The following HERC4 variants were observed in gnomAD, a reference collection of about 807,000 sequenced individuals.
HERC4 encodes the protein HECT and RLD domain containing E3 ubiquitin protein ligase 4.
Under a neutral mutation model 124.3 loss-of-function variants are expected in HERC4, and 28 were observed. The observed-to-expected ratio is 0.23, with a 90% CI of 0.17 to 0.31. HERC4 has a LOEUF of 0.31. HERC4 is among the 10% of genes least tolerant of loss of function. HERC4 has a pLI of 1.00. For synonymous variants in HERC4, 407 were observed against 421.5 expected, an observed-to-expected ratio of 0.97 and a Z score of 0.42; for missense variants, 713 against 1,229.3, an observed-to-expected ratio of 0.58 and a Z score of 6.28.
chr10:67,936,655 A>G (rs2032389742), intron 21 of HERC4, among the ~76,000 whole-genome samples: 1 of 152,208 alleles, frequency 6.6e-6, no homozygotes, highest in African/African-American at 2.4e-5. Context: ...CTTGTTGTAA[A>G]CTTTATCACA....
intron 16 of HERC4, among the ~76,000 whole-genome samples, chr10:67,957,184 T>A (rs902417884): frequency 1.3e-5 from 2 of 152,256 alleles, no homozygotes; most frequent in Non-Finnish European, 2.9e-5. Flanking sequence ...GGGGCGACTG[T>A]ATACTTGAGA....
chr10:67,977,309 C>A (rs1016870793), intron 15 of HERC4, among the ~76,000 whole-genome samples: 2 of 152,094 alleles, frequency 1.3e-5, no homozygotes, highest in Non-Finnish European at 2.9e-5. Context: ...TACACAGTGG[C>A]CAGAAGGGAA....
chr10:67,979,268 T>G (rs1358350085), intron 15 of HERC4, among the ~76,000 whole-genome samples: 1 of 151,952 alleles, frequency 6.6e-6, no homozygotes, highest in Non-Finnish European at 1.5e-5. Flanking sequence ...CCAGATAAAT[T>G]TAACAAAGAG....
intron 24 of HERC4, 77 bp downstream of exon 24, chr10:67,925,008 A>G: frequency 1.3e-6 from 1 of 783,720 alleles, no homozygotes. Context: ...TTACTTGAAG[A>G]TTAAAACAGG....
intron 8 of HERC4, among the ~76,000 whole-genome samples, chr10:68,022,695 G>T (rs1439783171): frequency 6.6e-6 from 1 of 151,720 alleles, no homozygotes; most frequent in Non-Finnish European, 1.5e-5. Context: ...AAACAAACTG[G>T]ACTTTATACA....
At chr10:67,932,292 C>T (rs1378390733) in intron 23 of HERC4, among the ~76,000 whole-genome samples, 1 of 152,036 alleles carries the variant, frequency 6.6e-6, no homozygotes, top group Non-Finnish European at 1.5e-5. Flanking sequence ...TGCTGTGCTC[C>T]CCAGGCTGCT....
At chr10:68,066,036 T>C (rs72795403) in intron 3 of HERC4, among the ~76,000 whole-genome samples, 8,665 of 152,150 alleles carry the variant, frequency 0.057, 334 homozygotes, top group Non-Finnish European at 0.084. Flanking sequence ...AGCTCATTAA[T>C]ATAGTTTCCT....
chr10:68,042,061 G>C (rs2039796024), intron 4 of HERC4, among the ~76,000 whole-genome samples: 1 of 151,982 alleles, frequency 6.6e-6, no homozygotes, highest in African/African-American at 2.4e-5. Flanking sequence ...CTGTCGCTTA[G>C]GCTGGAGTGC....
intron 3 of HERC4, among the ~76,000 whole-genome samples, chr10:68,059,689 T>C (rs1158890201): frequency 1.4e-5 from 1 of 72,678 alleles, no homozygotes; most frequent in East Asian, 5.5e-4. Flanking sequence ...ATCATAATAT[T>C]ATATATTATA....
chr10:67,973,183 A>C (rs755568103), intron 15 of HERC4, among the ~76,000 whole-genome samples: 39 of 151,932 alleles, frequency 2.6e-4, no homozygotes, highest in Non-Finnish European at 4.4e-4. Flanking sequence ...ATCAAAAAGG[A>C]AAGTGAATGG....
chr10:67,978,475 T>G (rs988779665), intron 15 of HERC4, among the ~76,000 whole-genome samples: 8 of 151,938 alleles, frequency 5.3e-5, no homozygotes, highest in Admixed American at 1.3e-4. Context: ...GGTAGACGTC[T>G]AAGGTTTTTC....
At position 68,007,369 on chromosome 10, in the gene HERC4, T is replaced by C. The variant is rs112619373; in HGVS notation, c.1069+6657A>G. On this transcript the variant is annotated intron_variant, in intron 9 of 24. Transcript: ENST00000373700. ...TGATAGGATTCTGAACTTCCTCTGTTTATCTTCAGTTTAGTTGAGATTTCT... is the reference window on the plus strand; with the variant it reads ...TGATAGGATTCTGAACTTCCTCTGTCTATCTTCAGTTTAGTTGAGATTTCT... Among the ~76,000 whole-genome samples the C allele has an allele frequency of 7.0e-3, 1,061 of 152,278 alleles. 12 individuals carry two copies. Among genetic ancestry groups the C allele is most frequent in the African/African-American group, 0.024 (991 of 41,564 alleles).
At chr10:68,045,089 G>A (rs1221185623) in intron 3 of HERC4, among the ~76,000 whole-genome samples, 1 of 152,232 alleles carries the variant, frequency 6.6e-6, no homozygotes, top group Non-Finnish European at 1.5e-5. Context: ...GGGAGGCCAA[G>A]GAGGGCGGAT....
At chr10:67,941,767 C>T (rs2032927571) in intron 19 of HERC4, among the ~76,000 whole-genome samples, 1 of 148,710 alleles carries the variant, frequency 6.7e-6, no homozygotes, top group South Asian at 2.1e-4. Context: ...CAACGTATGC[C>T]TCCTGGGTTC....
chr10:68,074,193 C>CTA (rs2041700960), intron 1 of HERC4: 1 of 152,210 alleles, frequency 6.6e-6, no homozygotes, highest in Non-Finnish European at 1.5e-5. Context: ...TCCACTTCAT[C>CTA]TATACATACG....
At position 67,927,407 on chromosome 10, in the gene HERC4, TA is replaced by T. The variant is rs1564910735; in HGVS notation, c.2839-2221del. Reference sequence around the variant, plus strand: ...ATATATATATATATATATATATATATATATATATATATATATATATATATTT... The same window carrying T: ...ATATATATATATATATATATATATATTATATATATATATATATATATATTT... On this transcript the variant is annotated intron_variant, in intron 23 of 24. Coordinates refer to ENST00000373700, the MANE Select transcript of HERC4 (RefSeq NM_015601.4). Among the ~76,000 whole-genome samples the T allele has an allele frequency of 5.8e-3, 62 of 10,702 alleles. 1 individual carries two copies. Among genetic ancestry groups the T allele is most frequent in the South Asian group, 0.025 (14 of 558 alleles). The allele number at this position is 10,702 out of a possible 152,430, so 7.0% of individuals were successfully genotyped here.
At chr10:67,930,738 G>T (rs2031709246) in intron 23 of HERC4, among the ~76,000 whole-genome samples, 2 of 152,164 alleles carry the variant, frequency 1.3e-5, no homozygotes, top group South Asian at 4.1e-4. Flanking sequence ...CCTCAAAGCT[G>T]ATCTAACCTT....
At chr10:68,035,034 AAATAACTGATACACT>A (rs1310961979) in intron 5 of HERC4, among the ~76,000 whole-genome samples, 1 of 152,156 alleles carries the variant, frequency 6.6e-6, no homozygotes, top group Admixed American at 6.5e-5. Flanking sequence ...CAACTGCACT[AAATAACTGATACACT>A]AATAACTGAT....
rs1027441602 is a variant in HERC4, at chr10:68,038,127, A to G, written c.429T>C (p.Ala143=). 1 of 1,547,048 alleles carries G rather than the reference A, an allele frequency of 6.5e-7. No individual in the cohort carries two copies. The highest frequency in any genetic ancestry group is 8.7e-7 in the Non-Finnish European group (1 of 1,151,290). The change falls in exon 5 of 25, where the codon GCT becomes GCC. Residue 143 remains alanine, a synonymous_variant. Coordinates refer to ENST00000373700, the MANE Select transcript of HERC4 (RefSeq NM_015601.4). The part of the protein sequence containing the change: ...SLSDIQIVQV[A]CGYYHSLALS... ...GTGCAAGTGAATGATAGTAACCACAAGCAACCTGTACAATCTGGATATCTG... is the reference window on the plus strand; with the variant it reads ...GTGCAAGTGAATGATAGTAACCACAGGCAACCTGTACAATCTGGATATCTG...
Sources: allele counts gnomAD v4.1 joint callset (sites outside exome capture counted in the v4.1 genomes callset), GRCh38; gene constraint gnomAD v4.1.1; transcripts MANE v1.5; gene names NCBI Gene and HGNC (gene_info 2026-07-23, HGNC 2026-07-21).